The following WDR17 variants were observed in gnomAD, a reference collection of about 807,000 sequenced individuals.
The protein encoded by WDR17 is WD repeat domain 17.
A neutral mutation model predicts 161.7 loss-of-function variants in WDR17; 143 were observed. The ratio of observed to expected loss-of-function variants is 0.88; its 90% CI spans 0.77 to 1.02. The LOEUF is 1.02. Ranked by LOEUF, WDR17 falls within the 50% of genes least tolerant of loss-of-function variation. The pLI is 0.00. For synonymous variants in WDR17, 517 were observed against 515.6 expected (o/e 1.00, Z -0.04); for missense variants, 1,469 against 1,520.9 (o/e 0.97, Z 0.57).
At chr4:176,142,966 G>A (rs1211201912) in intron 11 of WDR17, among the ~76,000 whole-genome samples, 6 of 152,100 alleles carry the variant, frequency 3.9e-5, no homozygotes, top group Admixed American at 6.6e-5. Context: ...GGCAACCTCC[G>A]CCTCCCGGGT....
intron 10 of WDR17, among the ~76,000 whole-genome samples, chr4:176,140,813 AT>A (rs562092454): frequency 2.6e-5 from 4 of 151,704 alleles, no homozygotes; most frequent in South Asian, 2.1e-4. Context: ...AATATTAGTG[AT>A]TTTTTTTTCC....
At chr4:176,135,310 T>G in intron 8 of WDR17, 34 bp downstream of exon 8, 1 of 1,605,064 alleles carries the variant, frequency 6.2e-7, no homozygotes, top group South Asian at 1.1e-5. Flanking sequence ...AGGAATACAA[T>G]GAAATGGCTT....
intron 2 of WDR17, among the ~76,000 whole-genome samples, chr4:176,115,452 AT>A (rs1161771418): frequency 2.0e-5 from 3 of 152,030 alleles, no homozygotes; most frequent in East Asian, 3.8e-4. Context: ...GCAGAAAAAA[AT>A]ATTCCAAAAC....
chr4:176,174,602 T>C lies in WDR17; in HGVS notation c.3348-15T>C, dbSNP rs769749409. 20 of 1,575,512 alleles carry C rather than the reference T, an allele frequency of 1.3e-5. No homozygotes were observed. The South Asian group carries it at 1.8e-4, about 15-fold the overall frequency. On this transcript the variant is annotated splice_polypyrimidine_tract_variant and intron_variant, in intron 25 of 28. Coordinates refer to ENST00000508596, the MANE Select transcript of WDR17 (RefSeq NM_181265.4). ...AAATTGTGGAATTTATAAAAATAAA[T>C]ATATTCTCTTTTAGAGCTCGAAATG...
At chr4:176,115,705 A>G in intron 2 of WDR17, 91 bp from the exon 3 acceptor site, 2 of 986,822 alleles carry the variant, frequency 2.0e-6, no homozygotes, top group Non-Finnish European at 2.8e-6. Context: ...ATTTTCCTGT[A>G]TGTAGCTTTA....
intron 1 of WDR17, among the ~76,000 whole-genome samples, chr4:176,106,917 C>T (rs1170427495): frequency 3.3e-5 from 5 of 152,002 alleles, no homozygotes; most frequent in African/African-American, 1.2e-4. Context: ...TGCCACTACA[C>T]TCCGGAAGGA....
At chr4:176,075,815 A>G (rs1224073238) in intron 1 of WDR17, among the ~76,000 whole-genome samples, 1 of 151,988 alleles carries the variant, frequency 6.6e-6, no homozygotes. Flanking sequence ...TACAAAAAAG[A>G]AAAAGAAAAA....
At chr4:176,094,623 A>G (rs528408755) in intron 1 of WDR17, among the ~76,000 whole-genome samples, 2 of 152,336 alleles carry the variant, frequency 1.3e-5, no homozygotes, top group Non-Finnish European at 2.9e-5. Flanking sequence ...AGAGAACAGT[A>G]AGTAAACTAT....
chr4:176,171,977 C>T (rs1441842492), intron 23 of WDR17, among the ~76,000 whole-genome samples: 1 of 152,128 alleles, frequency 6.6e-6, no homozygotes, highest in Non-Finnish European at 1.5e-5. Flanking sequence ...GAATAATGCA[C>T]ACCCTTTATG....
intron 22 of WDR17, among the ~76,000 whole-genome samples, chr4:176,165,650 G>A (rs188542447): frequency 6.6e-6 from 1 of 152,212 alleles, no homozygotes; most frequent in Admixed American, 6.5e-5. Flanking sequence ...AAAATCGTAA[G>A]GAAGAGAAAT....
rs1004317829 is a variant in WDR17, at chr4:176,142,161, C to T, written c.1529+92C>T. 1.2e-5 allele frequency: 12 copies of T among 981,802 alleles called. 1 individual carries two copies. In the African/African-American group the frequency reaches 1.6e-4, roughly 13 times the overall value. 60.8% of individuals were successfully genotyped at this position (981,802 alleles called of 1,614,324 possible). A position where few individuals can be genotyped will look rare whatever the true frequency, so the allele number is the denominator to read the frequency against. On this transcript the variant is annotated intron_variant, in intron 11 of 28. Transcript: ENST00000508596. The stretch of plus-strand genomic sequence containing the variant: ...TTAGTGCTATTTCCAAAGGTAATAT[C>T]TATCACTCTATTTATACAATATCCC...
intron 1 of WDR17, among the ~76,000 whole-genome samples, chr4:176,076,213 TA>T (rs752515484): frequency 2.5e-4 from 5 of 19,896 alleles, no homozygotes; most frequent in South Asian, 2.9e-3. Flanking sequence ...TTTACATATA[TA>T]ATATATATAT....
At chr4:176,160,598 A>G (rs2126847743) in intron 19 of WDR17, among the ~76,000 whole-genome samples, 1 of 152,360 alleles carries the variant, frequency 6.6e-6, no homozygotes, top group East Asian at 1.9e-4. Flanking sequence ...CTGGGATTAC[A>G]GGCATGAGCC....
At chr4:176,099,038 T>A (rs895222226) in intron 1 of WDR17, among the ~76,000 whole-genome samples, 2 of 152,094 alleles carry the variant, frequency 1.3e-5, no homozygotes, top group African/African-American at 4.8e-5. Context: ...TACTCTGAGT[T>A]AAAGTCAAAA....
At chr4:176,098,760 A>ATCTTTTATTTT (rs1737309032) in intron 1 of WDR17, among the ~76,000 whole-genome samples, 1 of 151,962 alleles carries the variant, frequency 6.6e-6, no homozygotes, top group Non-Finnish European at 1.5e-5. Flanking sequence ...ATATTCAATA[A>ATCTTTTATTTT]TGTATGATAT....
At chr4:176,106,898 C>A (rs1031503879) in intron 1 of WDR17, among the ~76,000 whole-genome samples, 1 of 152,120 alleles carries the variant, frequency 6.6e-6, no homozygotes, top group South Asian at 2.1e-4. Context: ...TTGCAGTGAA[C>A]TATGATCATG....
chr4:176,173,034 A>G (rs971962283), intron 24 of WDR17, among the ~76,000 whole-genome samples: 2 of 152,190 alleles, frequency 1.3e-5, no homozygotes, highest in Admixed American at 6.5e-5. Context: ...AAAATCAAGA[A>G]CTAGTCATCC....
chr4:176,115,493 T>C (rs761299587), intron 2 of WDR17, among the ~76,000 whole-genome samples: 6 of 151,958 alleles, frequency 3.9e-5, no homozygotes, highest in African/African-American at 1.4e-4. Context: ...TAAAAAGATA[T>C]AGCTATGGAA....
At chr4:176,151,744 A>T in intron 16 of WDR17, 68 bp from the exon 17 acceptor site, 1 of 1,354,502 alleles carries the variant, frequency 7.4e-7, no homozygotes, top group Non-Finnish European at 1.0e-6. Context: ...TATGCAACAA[A>T]TTATTGTGAC....
Sources: allele counts gnomAD v4.1 joint callset (sites outside exome capture counted in the v4.1 genomes callset), GRCh38; gene constraint gnomAD v4.1.1; transcripts MANE v1.5; gene names NCBI Gene and HGNC (gene_info 2026-07-23, HGNC 2026-07-21).